The following NRG3 variants were observed in gnomAD, a reference collection of about 807,000 sequenced individuals.
NRG3 encodes the protein pro-neuregulin-3, membrane-bound isoform.
Under a neutral mutation model 66.9 loss-of-function variants are expected in NRG3, and 31 were observed. That is an observed-to-expected ratio of 0.46 (90% CI 0.35 to 0.63). NRG3 has a LOEUF of 0.63. NRG3 is among the 20% of genes least tolerant of loss of function. The pLI, the probability that NRG3 is intolerant of heterozygous loss-of-function variation, is 0.00. For missense variants in NRG3, 910 were observed against 878.9 expected (o/e 1.04, Z -0.45); for synonymous variants, 393 against 359.4 (o/e 1.09, Z -1.06).
chr10:82,063,013 T>A (rs2064246969), intron 1 of NRG3, among the ~76,000 whole-genome samples: 1 of 152,170 alleles, frequency 6.6e-6, no homozygotes, highest in South Asian at 2.1e-4. Context: ...CCCATTAGTG[T>A]TAGGGTACAT....
Position 82,986,267 on chromosome 10 carries a change from A to G in NRG3, c.*662A>G, listed in dbSNP as rs1029239709. 5 of 152,224 alleles carry G rather than the reference A, an allele frequency of 3.3e-5. No homozygotes were observed. Among genetic ancestry groups the G allele is most frequent in the African/African-American group, 1.2e-4 (5 of 41,456 alleles). 9.4% of individuals were successfully genotyped at this position (152,224 alleles called of 1,614,324 possible). A position where few individuals can be genotyped will look rare whatever the true frequency, so the allele number is the denominator to read the frequency against. ...AAATTATTACAGAAAAAGAGACAAA[A>G]AAATCCTTATATCGTGTCACTAAAA... On this transcript the variant is annotated 3_prime_UTR_variant, in exon 9 of 9. Transcript: ENST00000372141.
intron 1 of NRG3, among the ~76,000 whole-genome samples, chr10:82,002,888 G>A (rs773959902): frequency 2.0e-5 from 3 of 152,128 alleles, no homozygotes; most frequent in Non-Finnish European, 4.4e-5. Context: ...TAAGTGCCAG[G>A]CATTATGAAT....
chr10:81,915,269 G>A (rs1161783593), intron 1 of NRG3, among the ~76,000 whole-genome samples: 1 of 152,138 alleles, frequency 6.6e-6, no homozygotes, highest in Non-Finnish European at 1.5e-5. Context: ...AGTGCTTGTT[G>A]TAGGTTGGAT....
chr10:82,700,811 GAAAT>G (rs2055812304), intron 2 of NRG3, among the ~76,000 whole-genome samples: 1 of 151,976 alleles, frequency 6.6e-6, no homozygotes, highest in African/African-American at 2.4e-5. Context: ...TCCAGCAGAA[GAAAT>G]AAATAAATAA....
At chr10:81,909,208 G>A (rs1216086350) in intron 1 of NRG3, among the ~76,000 whole-genome samples, 3 of 152,086 alleles carry the variant, frequency 2.0e-5, no homozygotes, top group African/African-American at 7.2e-5. Flanking sequence ...TCTCATTTGT[G>A]CATCTATGTT....
chr10:82,150,716 A>G (rs574082014), intron 1 of NRG3, among the ~76,000 whole-genome samples: 10 of 152,220 alleles, frequency 6.6e-5, no homozygotes, highest in Non-Finnish European at 1.2e-4. Context: ...ATCAAGCAGT[A>G]AAATATCCGT....
At chr10:82,547,032 A>G (rs1452207007) in intron 2 of NRG3, among the ~76,000 whole-genome samples, 1 of 152,180 alleles carries the variant, frequency 6.6e-6, no homozygotes. Context: ...CTAAAAATAT[A>G]CCAAAAGATT....
intron 2 of NRG3, among the ~76,000 whole-genome samples, chr10:82,541,465 G>A (rs546008561): frequency 6.6e-6 from 1 of 152,192 alleles, no homozygotes; most frequent in African/African-American, 2.4e-5. Flanking sequence ...ACAACTCTAA[G>A]GGGGTCCATG....
rs2055031444 is a variant in NRG3 at position 82,692,660 on chromosome 10, A to ATTCC, written c.954-45916_954-45913dup. On this transcript the variant is annotated intron_variant, in intron 2 of 8. Transcript: ENST00000372141. ...CGTGAATTCCTGGTGGCTCCACCCCATTCCCCAAGTACAGGTGGGCCTCTA... is the reference window on the plus strand; with the variant it reads ...CGTGAATTCCTGGTGGCTCCACCCCATTCCTTCCCCAAGTACAGGTGGGCCTCTA... Among the ~76,000 whole-genome samples, 3 of 152,152 alleles carry ATTCC rather than the reference A, an allele frequency of 2.0e-5. No individual in the cohort carries two copies. The South Asian group carries it at 6.2e-4, about 32-fold the overall frequency.
chr10:81,951,835 C>T (rs923137632), intron 1 of NRG3, among the ~76,000 whole-genome samples: 6 of 152,136 alleles, frequency 3.9e-5, no homozygotes, highest in South Asian at 2.1e-4. Context: ...ATGTTTACTG[C>T]GGCACTATTC....
At chr10:81,892,452 A>T (rs934475541) in intron 1 of NRG3, among the ~76,000 whole-genome samples, 1 of 152,160 alleles carries the variant, frequency 6.6e-6, no homozygotes, top group Non-Finnish European at 1.5e-5. Context: ...TGGAACTCTT[A>T]CTTGCTGAAT....
At chr10:81,988,653 G>A (rs2060617732) in intron 1 of NRG3, among the ~76,000 whole-genome samples, 1 of 152,054 alleles carries the variant, frequency 6.6e-6, no homozygotes, top group Non-Finnish European at 1.5e-5. Flanking sequence ...TGGGCCCTGA[G>A]TTAGTGTTTT....
intron 4 of NRG3, among the ~76,000 whole-genome samples, chr10:82,908,782 G>C (rs1389393637): frequency 6.6e-6 from 1 of 152,248 alleles, no homozygotes; most frequent in East Asian, 1.9e-4. Context: ...GATGCTCTCT[G>C]TTCACAATGA....
intron 4 of NRG3, among the ~76,000 whole-genome samples, chr10:82,884,297 C>T (rs2136080471): frequency 6.6e-6 from 1 of 152,238 alleles, no homozygotes; most frequent in South Asian, 2.1e-4. Context: ...TGATGATTTA[C>T]TTAATTGAGA....
intron 1 of NRG3, among the ~76,000 whole-genome samples, chr10:82,311,158 C>T (rs1463781672): frequency 1.3e-5 from 2 of 151,912 alleles, no homozygotes; most frequent in African/African-American, 2.4e-5. Context: ...CTGGCTCCTC[C>T]GCTGGTTACT....
chr10:82,315,326 G>A (rs1301716103), intron 1 of NRG3, among the ~76,000 whole-genome samples: 1 of 152,198 alleles, frequency 6.6e-6, no homozygotes, highest in African/African-American at 2.4e-5. Flanking sequence ...GCTGCTTATT[G>A]AACAGCAGAG....
intron 1 of NRG3, among the ~76,000 whole-genome samples, chr10:82,093,017 G>T (rs1020012965): frequency 6.6e-6 from 1 of 152,100 alleles, no homozygotes; most frequent in Non-Finnish European, 1.5e-5. Flanking sequence ...CTGTGGCAGG[G>T]TCACCTGTTA....
intron 2 of NRG3, among the ~76,000 whole-genome samples, chr10:82,401,985 A>G (rs2087135936): frequency 6.6e-6 from 1 of 152,136 alleles, no homozygotes; most frequent in South Asian, 2.1e-4. Context: ...TTAGTATAAA[A>G]TCCAACTGAT....
intron 2 of NRG3, among the ~76,000 whole-genome samples, chr10:82,706,140 T>G (rs1271662892): frequency 6.6e-6 from 1 of 152,128 alleles, no homozygotes; most frequent in Non-Finnish European, 1.5e-5. Context: ...CTCAACATTT[T>G]GCAAGTAAGC....
Sources: allele counts gnomAD v4.1 joint callset (sites outside exome capture counted in the v4.1 genomes callset), GRCh38; gene constraint gnomAD v4.1.1; transcripts MANE v1.5; gene names NCBI Gene and HGNC (gene_info 2026-07-23, HGNC 2026-07-21).